TRIM16: variants seen among roughly 807,000 people sequenced by gnomAD.
TRIM16 encodes tripartite motif containing 16, also known as tripartite motif-containing protein 16.
In TRIM16, 33 loss-of-function variants were observed where a neutral mutation model predicts 50.4. The observed-to-expected ratio is 0.65, with a 90% confidence interval of 0.50 to 0.88. The LOEUF is 0.88. Among genes scored for constraint, TRIM16 ranks in the 40% least tolerant of loss-of-function variants. The pLI is 0.00. For synonymous variants in TRIM16, 229 were observed against 270.7 expected, an observed-to-expected ratio of 0.85 and a Z score of 1.51; for missense variants, 581 against 686.8, an observed-to-expected ratio of 0.85 and a Z score of 1.72.
Position 15,628,851 on chromosome 17 carries a change from G to A in TRIM16, c.1459C>T (p.Leu487Phe), listed in dbSNP as rs561564144. The change falls in exon 12 of 12, where the codon CTC becomes TTC. Residue 487 changes from leucine (L) to phenylalanine (F), a missense_variant. Physicochemically the swap from Leu to Phe is conservative, Grantham distance 22. Around this residue, in one of 3 missense-constraint regions of TRIM16, gnomAD observed 115 missense variants for 106.7 expected, o/e 1.08. Coordinates refer to ENST00000649191, the MANE Select transcript of TRIM16 (RefSeq NM_001348119.1). ...AGCCTCCGGAAAGGGCCAGCTTTGAGTGGGGTCTCCATGTCACTGTACCAG... is the reference window on the plus strand; with the variant it reads ...AGCCTCCGGAAAGGGCCAGCTTTGAATGGGGTCTCCATGTCACTGTACCAG... The part of the protein sequence containing the change: ...TAWYSDMETP[L>F]KAGPFRRLGV... 3.1e-6 allele frequency: 5 copies of A among 1,614,238 alleles called. No homozygotes were observed. The South Asian group carries it at 3.3e-5, about 11-fold the overall frequency.
chr17:15,630,658 AT>A (rs1390993314), intron 11 of TRIM16, among the ~76,000 whole-genome samples: 4 of 148,612 alleles, frequency 2.7e-5, no homozygotes, highest in East Asian at 2.0e-4. Flanking sequence ...TTGTTTAAAA[AT>A]TTTTTTTTTA....
intron 11 of TRIM16, among the ~76,000 whole-genome samples, chr17:15,630,455 AGAG>A: frequency 6.6e-6 from 1 of 152,306 alleles, no homozygotes; most frequent in Middle Eastern, 3.4e-3. Context: ...TCTCTAACTC[AGAG>A]AAGATGCTCA....
At chr17:15,648,001 G>A (rs1475872355) in intron 7 of TRIM16, among the ~76,000 whole-genome samples, 2 of 152,016 alleles carry the variant, frequency 1.3e-5, no homozygotes, top group Non-Finnish European at 2.9e-5. Context: ...CGAGGCAGGG[G>A]GATCACCAGG....
chr17:15,643,100 C>T (rs1457441309), intron 7 of TRIM16: 16 of 1,100,980 alleles, frequency 1.5e-5, no homozygotes, highest in Middle Eastern at 4.1e-4. Flanking sequence ...CTTGCCATAC[C>T]CATACTAGCT....
chr17:15,632,473 C>T (rs1203957742), intron 10 of TRIM16, 36 bp downstream of exon 10: 1 of 1,570,544 alleles, frequency 6.4e-7, no homozygotes, highest in Non-Finnish European at 8.7e-7. Context: ...GCTAGAGACA[C>T]ACTCACTATA....
intron 8 of TRIM16, among the ~76,000 whole-genome samples, chr17:15,639,072 T>TA (rs1986998358): frequency 8.3e-6 from 1 of 120,750 alleles, no homozygotes; most frequent in African/African-American, 4.2e-5. Context: ...TTTTTTTTTT[T>TA]AGACAAGGTC....
intron 6 of TRIM16, among the ~76,000 whole-genome samples, chr17:15,663,214 G>T (rs1034204259): frequency 6.6e-6 from 1 of 152,118 alleles, no homozygotes; most frequent in South Asian, 2.1e-4. Context: ...GTCCCAGTCT[G>T]GCCTGGCCTG....
At chr17:15,663,843 T>C (rs1988355312) in intron 6 of TRIM16, among the ~76,000 whole-genome samples, 2 of 152,130 alleles carry the variant, frequency 1.3e-5, no homozygotes, top group South Asian at 4.1e-4. Flanking sequence ...GTCAATCCCA[T>C]GTCTGGTCAG....
At chr17:15,650,987 C>T in intron 7 of TRIM16, 104 bp downstream of exon 7, 1 of 1,466,764 alleles carries the variant, frequency 6.8e-7, no homozygotes, top group Non-Finnish European at 9.2e-7. Context: ...CAGGTATGCT[C>T]AGAGCATAGT....
intron 6 of TRIM16, among the ~76,000 whole-genome samples, chr17:15,674,812 C>A (rs192971315): frequency 2.2e-4 from 34 of 152,254 alleles, no homozygotes; most frequent in African/African-American, 7.9e-4. Flanking sequence ...TTAACTGAGT[C>A]CCTCATCTCC....
At chr17:15,671,719 C>G (rs1988738028) in intron 6 of TRIM16, among the ~76,000 whole-genome samples, 1 of 151,818 alleles carries the variant, frequency 6.6e-6, no homozygotes, top group Non-Finnish European at 1.5e-5. Flanking sequence ...AATCATGATC[C>G]CTGATGATGT....
chr17:15,643,509 C>T (rs573842930), intron 7 of TRIM16, among the ~76,000 whole-genome samples: 128 of 144,454 alleles, frequency 8.9e-4, no homozygotes, highest in Admixed American at 2.1e-3. Context: ...CTTTCCAGAC[C>T]AAACCAAATT....
At chr17:15,639,741 G>C (rs1007957920) in intron 8 of TRIM16, among the ~76,000 whole-genome samples, 1 of 149,510 alleles carries the variant, frequency 6.7e-6, no homozygotes, top group Non-Finnish European at 1.5e-5. Context: ...CTGTGGATGG[G>C]AGGCTCAGAG....
intron 7 of TRIM16, 181 bp from the exon 8 acceptor site, chr17:15,642,997 G>A (rs971682223): frequency 8.8e-6 from 5 of 567,088 alleles, no homozygotes; most frequent in Middle Eastern, 6.9e-4. Flanking sequence ...GCCCTCCTGG[G>A]GCTGCAGTCA....
At chr17:15,678,721 G>A (rs1989051982) in intron 4 of TRIM16, among the ~76,000 whole-genome samples, 2 of 152,192 alleles carry the variant, frequency 1.3e-5, no homozygotes, top group African/African-American at 4.8e-5. Flanking sequence ...GGTTACAACA[G>A]TTATTAGTAA....
At chr17:15,630,730 G>A (rs1986371891) in intron 11 of TRIM16, among the ~76,000 whole-genome samples, 1 of 150,494 alleles carries the variant, frequency 6.6e-6, no homozygotes, top group African/African-American at 2.5e-5. Flanking sequence ...TGAGGGAGGA[G>A]GACTGCTTGA....
At chr17:15,669,402 A>G (rs1268851509) in intron 6 of TRIM16, among the ~76,000 whole-genome samples, 1 of 152,126 alleles carries the variant, frequency 6.6e-6, no homozygotes, top group Non-Finnish European at 1.5e-5. Flanking sequence ...AAAGATGTCT[A>G]AAGTATAATG....
intron 6 of TRIM16, among the ~76,000 whole-genome samples, chr17:15,657,709 T>A (rs1312100471): frequency 6.6e-6 from 1 of 152,226 alleles, no homozygotes; most frequent in Non-Finnish European, 1.5e-5. Context: ...GTAGCATGCA[T>A]CTGAATTTCC....
chr17:15,669,022 A>G (rs1186949025), intron 6 of TRIM16, among the ~76,000 whole-genome samples: 5 of 152,160 alleles, frequency 3.3e-5, no homozygotes, highest in African/African-American at 1.2e-4. Context: ...ACTGATAAAC[A>G]TAGAAAAATA....
Sources: allele counts gnomAD v4.1 joint callset (sites outside exome capture counted in the v4.1 genomes callset), GRCh38; gene constraint gnomAD v4.1.1; regional missense constraint gnomAD v4.1.1; transcripts MANE v1.5; gene names NCBI Gene and HGNC (gene_info 2026-07-23, HGNC 2026-07-21).